The following SLIT1 variants were observed in gnomAD, a reference collection of about 807,000 sequenced individuals.
SLIT1 encodes slit homolog 1 protein.
In SLIT1, 66 loss-of-function variants were observed where a neutral mutation model predicts 186.1. That is an observed-to-expected ratio of 0.35 (90% CI 0.29 to 0.44). The LOEUF (loss-of-function observed/expected upper bound fraction) is 0.44. SLIT1 is among the 20% of genes least tolerant of loss of function. SLIT1 has a pLI of 1.00. For synonymous variants in SLIT1, 761 were observed against 833.8 expected (o/e 0.91, Z 1.50); for missense variants, 1,638 against 2,037.4 (o/e 0.80, Z 3.77).
intron 1 of SLIT1, among the ~76,000 whole-genome samples, chr10:97,177,484 T>C (rs949954560): frequency 6.6e-6 from 1 of 152,182 alleles, no homozygotes; most frequent in African/African-American, 2.4e-5. Context: ...TCTATGACTG[T>C]AGTAGCTTCC....
At chr10:97,034,304 G>T (rs1283009810) in intron 23 of SLIT1, among the ~76,000 whole-genome samples, 167 bp downstream of exon 23, 1 of 152,174 alleles carries the variant, frequency 6.6e-6, no homozygotes, top group African/African-American at 2.4e-5. Context: ...ATTTCACAAT[G>T]AAAGATGTTT....
Position 97,064,753 on chromosome 10 carries a change from C to T in SLIT1, c.557+52G>A, listed in dbSNP as rs556217504. On this transcript the variant is annotated intron_variant, in intron 6 of 36. Transcript: ENST00000266058. ...CTGCCTAGGCTGCGGCACTTGGCAC[C>T]TGCCTAGCAGGGCCCTCCACACCCC... The T allele has an allele frequency of 6.2e-5, 88 of 1,412,800 alleles. No homozygotes were observed. In the East Asian group the frequency reaches 2.0e-3, roughly 33 times the overall value. 87.5% of individuals were successfully genotyped at this position (1,412,800 alleles called of 1,614,324 possible).
chr10:97,042,851 G>A, intron 20 of SLIT1, 50 bp downstream of exon 20: 1 of 1,589,834 alleles, frequency 6.3e-7, no homozygotes, highest in Non-Finnish European at 8.6e-7. Flanking sequence ...CCACCCCACT[G>A]GTTGGACCCA....
intron 4 of SLIT1, among the ~76,000 whole-genome samples, chr10:97,096,038 T>A (rs1849285480): frequency 6.6e-6 from 1 of 152,016 alleles, no homozygotes; most frequent in South Asian, 2.1e-4. Flanking sequence ...TCCTCCCCAG[T>A]GGCCAAGCAG....
At chr10:97,173,101 A>C (rs1397959300) in intron 1 of SLIT1, among the ~76,000 whole-genome samples, 2 of 152,182 alleles carry the variant, frequency 1.3e-5, no homozygotes, top group Non-Finnish European at 2.9e-5. Context: ...AAGTGAGCCC[A>C]ATATGAGCAA....
chr10:97,133,829 AG>A (rs1279459683), intron 4 of SLIT1, among the ~76,000 whole-genome samples: 1 of 152,170 alleles, frequency 6.6e-6, no homozygotes, highest in East Asian at 1.9e-4. Flanking sequence ...GATGTTTCAT[AG>A]GCCTGCTAAA....
intron 7 of SLIT1, 73 bp downstream of exon 7, chr10:97,064,095 C>T (rs911611819): frequency 8.6e-6 from 11 of 1,277,906 alleles, no homozygotes; most frequent in Non-Finnish European, 1.1e-5. Context: ...AAAACCTTCA[C>T]CTCCTGCCCC....
chr10:97,091,026 T>C (rs1043497806), intron 4 of SLIT1, among the ~76,000 whole-genome samples: 1 of 152,388 alleles, frequency 6.6e-6, no homozygotes, highest in African/African-American at 2.4e-5. Flanking sequence ...TACTTTGTGA[T>C]ACACTTGAGA....
intron 23 of SLIT1, among the ~76,000 whole-genome samples, chr10:97,032,431 T>C (rs557573954): frequency 1.3e-5 from 2 of 152,060 alleles, no homozygotes; most frequent in Admixed American, 6.5e-5. Flanking sequence ...TAGCCAGGCA[T>C]GGTGGTAGAC....
chr10:97,143,158 G>T (rs562166808), intron 4 of SLIT1, among the ~76,000 whole-genome samples: 8 of 152,284 alleles, frequency 5.3e-5, no homozygotes, highest in African/African-American at 1.9e-4. Context: ...TGAAAGCAGG[G>T]TCTCAAAGAG....
rs1014343128 is a variant in SLIT1 at position 97,013,814 on chromosome 10, C to T, written c.3130G>A (p.Val1044Met). 9 of 1,551,552 alleles carry T rather than the reference C, an allele frequency of 5.8e-6. No individual in the cohort carries two copies. The highest frequency in any genetic ancestry group is 7.8e-6 in the Non-Finnish European group (9 of 1,146,996). ...QYEGKACEQL[V>M]DLCSPDLNPC... Reference sequence around the variant, plus strand: ...TTCAGATCCGGAGAGCACAAGTCCACCAGCTGCTCACAGGCCTTTCCTGGG... The same window carrying T: ...TTCAGATCCGGAGAGCACAAGTCCATCAGCTGCTCACAGGCCTTTCCTGGG... The change falls in exon 30 of 37, where the codon GTG becomes ATG. Residue 1044 changes from valine to methionine, a missense_variant. Around this residue, in one of 3 missense-constraint regions of SLIT1, gnomAD observed 1,245 missense variants for 1,535.3 expected, o/e 0.81. Transcript: ENST00000266058.
Position 97,022,024 on chromosome 10 carries a change from G to T in SLIT1, c.2583-611C>A, listed in dbSNP as rs1848506384. Among the ~76,000 whole-genome samples, 1 of 152,188 alleles carries T rather than the reference G, an allele frequency of 6.6e-6. No individual in the cohort carries two copies. Among genetic ancestry groups the T allele is most frequent in the African/African-American group, 2.4e-5 (1 of 41,442 alleles). ...GAAGCTGTTGGGGCCATGCTGTTGGGGCCAGAGCCTACGAATGCACTGCCT... is the reference window on the plus strand; with the variant it reads ...GAAGCTGTTGGGGCCATGCTGTTGGTGCCAGAGCCTACGAATGCACTGCCT... On this transcript the variant is annotated intron_variant, in intron 25 of 36. Transcript: ENST00000266058. The surrounding 1 kb of genome is among the most constrained non-coding windows in gnomAD (Gnocchi z 4.2).
At chr10:97,134,557 C>A (rs950355952) in intron 4 of SLIT1, among the ~76,000 whole-genome samples, 1 of 152,294 alleles carries the variant, frequency 6.6e-6, no homozygotes, top group African/African-American at 2.4e-5. Flanking sequence ...GCCCGAGCTG[C>A]AGATCTCTCC....
At chr10:97,143,819 T>A (rs1849789784) in intron 4 of SLIT1, among the ~76,000 whole-genome samples, 1 of 152,220 alleles carries the variant, frequency 6.6e-6, no homozygotes, top group African/African-American at 2.4e-5. Flanking sequence ...AATGCCAAGA[T>A]AACCTGAAGT....
rs1286711045 is a variant in SLIT1, at chr10:97,015,813, A to C, written c.2970-1655T>G. ...GATGAGAAATAAGAAAAAAACTTTAAGTTTTAACTTACGTGTACCCATGTT... is the reference window on the plus strand; with the variant it reads ...GATGAGAAATAAGAAAAAAACTTTACGTTTTAACTTACGTGTACCCATGTT... On this transcript the variant is annotated intron_variant, in intron 28 of 36. Transcript: ENST00000266058. 3.9e-5 allele frequency among the ~76,000 whole-genome samples: 6 copies of C among 152,334 alleles called. No homozygotes were observed. In the East Asian group the frequency reaches 1.2e-3, roughly 29 times the overall value.
intron 4 of SLIT1, among the ~76,000 whole-genome samples, chr10:97,092,493 G>A (rs1157134868): frequency 6.6e-6 from 1 of 152,220 alleles, no homozygotes; most frequent in Admixed American, 6.5e-5. Flanking sequence ...ATAAGAACAT[G>A]TGTGAGAGGC....
chr10:97,070,380 C>T (rs1848991410), intron 4 of SLIT1, among the ~76,000 whole-genome samples: 2 of 152,194 alleles, frequency 1.3e-5, no homozygotes. Context: ...GGCTACATCA[C>T]TTCTTTTTGG....
intron 1 of SLIT1, among the ~76,000 whole-genome samples, chr10:97,180,525 C>T (rs1469670245): frequency 6.6e-6 from 1 of 152,234 alleles, no homozygotes; most frequent in African/African-American, 2.4e-5. Flanking sequence ...ATTCACCCGG[C>T]ACAATGCAGA....
rs1348431313 is a variant in SLIT1, at chr10:97,004,785, G to A, written c.3618C>T (p.Asn1206=). The A allele has an allele frequency of 4.3e-6, 7 of 1,613,982 alleles. No individual in the cohort carries two copies. Among genetic ancestry groups the A allele is most frequent in the African/African-American group, 1.3e-5 (1 of 74,892 alleles). The change falls in exon 33 of 37, where the codon AAC becomes AAT. Residue 1206 remains asparagine, a synonymous_variant. Coordinates refer to ENST00000266058, the MANE Select transcript of SLIT1 (RefSeq NM_003061.3). This position sits in a 1 kb window ranked among gnomAD's most constrained non-coding sequence, Gnocchi z 5.1. ...CAACTGCAATGTGGTCGTTGTCCCC[G>A]TTGTACAGAAGGATCCCATTGTCCT... ...TAEDNGILLY[N]GDNDHIAVEL...
Sources: allele counts gnomAD v4.1 joint callset (sites outside exome capture counted in the v4.1 genomes callset), GRCh38; gene constraint gnomAD v4.1.1; regional missense constraint gnomAD v4.1.1; non-coding constraint Gnocchi (gnomAD v3.1); transcripts MANE v1.5; gene names NCBI Gene and HGNC (gene_info 2026-07-23, HGNC 2026-07-21).